Variants in CHD2 observed in about 807,000 individuals in gnomAD.
CHD2 encodes the protein chromodomain helicase DNA binding protein 2.
In CHD2, 28 loss-of-function variants were observed where a neutral mutation model predicts 243.9. That is an observed-to-expected ratio of 0.11 (90% CI 0.09 to 0.16). CHD2 has a LOEUF of 0.16. CHD2 is among the 10% of genes least tolerant of loss of function. The pLI is 1.00. For missense variants in CHD2, 1,386 were observed against 2,209.8 expected, an observed-to-expected ratio of 0.63 and a Z score of 7.47; for synonymous variants, 775 against 779.0, an observed-to-expected ratio of 0.99 and a Z score of 0.09.
intron 13 of CHD2, among the ~76,000 whole-genome samples, chr15:92,951,976 T>C (rs1162463038): frequency 1.3e-5 from 2 of 152,228 alleles, no homozygotes; most frequent in Admixed American, 6.5e-5. Context: ...TAAATTACTT[T>C]TAGTTCTTTC....
chr15:92,947,882 G>A (rs557207712), intron 12 of CHD2, among the ~76,000 whole-genome samples: 1 of 152,246 alleles, frequency 6.6e-6, no homozygotes, highest in African/African-American at 2.4e-5. Flanking sequence ...TTCTCATAAT[G>A]TGTGCTATAG....
chr15:92,945,580 T>C (rs981693871), intron 10 of CHD2: 1 of 215,932 alleles, frequency 4.6e-6, no homozygotes, highest in Non-Finnish European at 9.2e-6. Context: ...ATATTTTTAG[T>C]AGAGACAGAG....
At chr15:92,967,135 C>G (rs983830359) in intron 16 of CHD2, among the ~76,000 whole-genome samples, 190 bp from the exon 17 acceptor site, 2 of 152,142 alleles carry the variant, frequency 1.3e-5, no homozygotes, top group African/African-American at 4.8e-5. Flanking sequence ...TGGAAACGTG[C>G]TATTATCCAG....
At chr15:92,981,494 G>A in intron 24 of CHD2, 37 bp downstream of exon 24, 7 of 1,478,374 alleles carry the variant, frequency 4.7e-6, no homozygotes, top group Non-Finnish European at 5.7e-6. Context: ...TCTCAGCATT[G>A]ATTCATTAAT....
intron 4 of CHD2, among the ~76,000 whole-genome samples, chr15:92,927,568 G>C (rs2053086665): frequency 1.3e-5 from 2 of 152,086 alleles, no homozygotes; most frequent in Admixed American, 1.3e-4. Flanking sequence ...ATACAGAACT[G>C]ACCTCAAAAT....
In CHD2 at chr15:93,027,135, T is replaced by A. The variant is rs1351274884; in HGVS notation, c.*2430T>A. The A allele has an allele frequency of 1.3e-5, 2 of 152,518 alleles. No homozygotes were observed. Among genetic ancestry groups the A allele is most frequent in the Non-Finnish European group, 2.9e-5 (2 of 68,034 alleles). The allele number at this position is 152,518 out of a possible 1,614,324, so 9.4% of individuals were successfully genotyped here. ...TAGGTGCTGGAGTATGTTTGAAGAG[T>A]GTGCTGGGAAAAAGGAAGCATTTCT... is the stretch of plus-strand genomic sequence containing the variant. On this transcript the variant is annotated 3_prime_UTR_variant, in exon 39 of 39. Transcript: ENST00000394196.
At chr15:92,962,902 A>AT (rs1201705469) in intron 16 of CHD2, among the ~76,000 whole-genome samples, 1 of 152,136 alleles carries the variant, frequency 6.6e-6, no homozygotes, top group Non-Finnish European at 1.5e-5. Context: ...TTGACCTCTA[A>AT]TGATATTTAT....
At chr15:92,977,654 C>T (rs749617267) in intron 20 of CHD2, among the ~76,000 whole-genome samples, 20 of 152,270 alleles carry the variant, frequency 1.3e-4, no homozygotes, top group African/African-American at 4.3e-4. Flanking sequence ...TTCCACACAT[C>T]GCTCTCCAGC....
intron 14 of CHD2, 38 bp from the exon 15 acceptor site, chr15:92,955,385 A>G: frequency 7.8e-7 from 1 of 1,275,384 alleles, no homozygotes; most frequent in Non-Finnish European, 1.1e-6. Context: ...GAAAGGTAGA[A>G]GTAGAAATTA....
intron 28 of CHD2, among the ~76,000 whole-genome samples, chr15:92,995,600 T>C (rs576249638): frequency 1.3e-5 from 2 of 152,348 alleles, no homozygotes; most frequent in South Asian, 4.1e-4. Flanking sequence ...TCTTTCCTTT[T>C]ACAGTTGCAG....
At chr15:92,959,887 A>G (rs951894520) in intron 16 of CHD2, among the ~76,000 whole-genome samples, 3 of 152,194 alleles carry the variant, frequency 2.0e-5, no homozygotes, top group African/African-American at 4.8e-5. Context: ...TTCCATGTAC[A>G]TTTTAGGATC....
intron 2 of CHD2, among the ~76,000 whole-genome samples, chr15:92,909,677 C>T (rs1166955969): frequency 6.6e-6 from 1 of 151,904 alleles, no homozygotes; most frequent in Non-Finnish European, 1.5e-5. Context: ...GAGCTGGGAC[C>T]ACAGGTGTGT....
At chr15:92,941,384 C>T (rs973766720) in intron 7 of CHD2, among the ~76,000 whole-genome samples, 1 of 152,092 alleles carries the variant, frequency 6.6e-6, no homozygotes, top group Non-Finnish European at 1.5e-5. Flanking sequence ...TACTGGGAGA[C>T]AACATACAGG....
chr15:92,946,278 C>A, intron 12 of CHD2, 62 bp downstream of exon 12: 1 of 1,262,918 alleles, frequency 7.9e-7, no homozygotes, highest in Non-Finnish European at 1.1e-6. Flanking sequence ...GAGGATTGGA[C>A]ACATATGTGC....
Position 92,971,925 on chromosome 15 carries a change from C to T in CHD2, c.2350C>T (p.Leu784=), listed in dbSNP as rs2053846480. ...NERENGQEIL[L]SLIRSSGKLI... ...AAGGGAAAATGGACAGGAGATTCTT[C>T]TGGTAGGTAGTTCCTCATAATTACT... is the stretch of plus-strand genomic sequence containing the variant. The change falls in exon 18 of 39, where the codon CTG becomes TTG. Residue 784 remains leucine (L), a splice_region_variant and synonymous_variant. Transcript: ENST00000394196. 1.2e-6 allele frequency: 2 copies of T among 1,607,234 alleles called. No homozygotes were observed. The highest frequency in any genetic ancestry group is 2.7e-5 in the African/African-American group (2 of 74,430).
At chr15:92,968,465 G>A (rs1395822307) in intron 17 of CHD2, among the ~76,000 whole-genome samples, 1 of 152,216 alleles carries the variant, frequency 6.6e-6, no homozygotes, top group African/African-American at 2.4e-5. Context: ...TGTGACTTTA[G>A]AGGCAGAGGA....
intron 23 of CHD2, among the ~76,000 whole-genome samples, chr15:92,981,143 C>T (rs1368071375): frequency 1.3e-5 from 2 of 151,914 alleles, no homozygotes; most frequent in South Asian, 2.1e-4. Context: ...CATTTCTGTT[C>T]GTTTTAATTT....
In CHD2 at chr15:92,924,322, C is replaced by A; in HGVS notation, c.64C>A (p.His22Asn). The change falls in exon 3 of 39, where the codon CAC (histidine) becomes AAC (asparagine). Residue 22 changes from histidine (H) to asparagine (N), a missense_variant and splice_region_variant. This residue lies in a region of CHD2 where 89 missense variants were observed against 102.4 expected (regional missense o/e 0.87). Transcript: ENST00000394196. ...AATCTCTCTCTCTCTCAAAATAAGT[C>A]ACTCAGCCTCTGAAGAAGCTTCGGG... ...DSSLHSNASS[H>N]SASEEASGSD... The A allele has an allele frequency of 6.2e-7, 1 of 1,613,116 alleles. No homozygotes were observed.
intron 25 of CHD2, among the ~76,000 whole-genome samples, 171 bp downstream of exon 25, chr15:92,984,671 T>C (rs1223761693): frequency 1.3e-5 from 2 of 152,208 alleles, no homozygotes; most frequent in Non-Finnish European, 2.9e-5. Context: ...TCTGCAGAGC[T>C]CCTGAGCACA....
Sources: allele counts gnomAD v4.1 joint callset (sites outside exome capture counted in the v4.1 genomes callset), GRCh38; gene constraint gnomAD v4.1.1; regional missense constraint gnomAD v4.1.1; transcripts MANE v1.5; gene names NCBI Gene and HGNC (gene_info 2026-07-23, HGNC 2026-07-21).